FAM228B: variants seen among roughly 807,000 people sequenced by gnomAD.
FAM228B encodes family with sequence similarity 228 member B, also known as protein FAM228B.
In FAM228B, 38 loss-of-function variants were observed where a neutral mutation model predicts 42.6. The observed-to-expected ratio is 0.89, with a 90% CI of 0.69 to 1.17. FAM228B has a LOEUF of 1.17. Among genes scored for constraint, FAM228B ranks in the 50% most tolerant of loss-of-function variants. FAM228B has a pLI of 0.00. For synonymous variants in FAM228B, 109 were observed against 122.3 expected (o/e 0.89, Z 0.72); for missense variants, 344 against 367.3 (o/e 0.94, Z 0.52).
chr2:24,081,784 C>T (rs190931734), intron 2 of FAM228B, among the ~76,000 whole-genome samples: 1 of 151,248 alleles, frequency 6.6e-6, no homozygotes, highest in African/African-American at 2.4e-5. Context: ...TGCCCCACCC[C>T]CCCTGCGTTC....
intron 7 of FAM228B, among the ~76,000 whole-genome samples, chr2:24,154,624 A>G (rs1218514015): frequency 6.6e-6 from 1 of 152,224 alleles, no homozygotes; most frequent in Non-Finnish European, 1.5e-5. Context: ...GGATGAGAGC[A>G]TGAGAGGAAA....
intron 5 of FAM228B, among the ~76,000 whole-genome samples, chr2:24,141,965 G>A (rs559692639): frequency 7.2e-5 from 11 of 152,206 alleles, no homozygotes; most frequent in Admixed American, 3.3e-4. Context: ...CTCAGGTGCT[G>A]GCCCCATTTG....
intron 3 of FAM228B, among the ~76,000 whole-genome samples, chr2:24,115,907 C>CAAAA (rs35038662): frequency 8.5e-6 from 1 of 117,048 alleles, no homozygotes; most frequent in Non-Finnish European, 1.8e-5. Context: ...GGTTCCCATG[C>CAAAA]AAAAAAAAAA....
upstream of FAM228B, chr2:24,119,506 T>A: frequency 9.0e-7 from 1 of 1,110,400 alleles, no homozygotes; most frequent in Non-Finnish European, 1.3e-6. Flanking sequence ...TTGAGTTGGA[T>A]CTCTGTTACT....
chr2:24,115,102 A>G (rs540284648), intron 3 of FAM228B, among the ~76,000 whole-genome samples: 1 of 152,338 alleles, frequency 6.6e-6, no homozygotes, highest in Non-Finnish European at 1.5e-5. Context: ...AGGGAGTTGT[A>G]TTACAGGAGG....
intron 5 of FAM228B, among the ~76,000 whole-genome samples, chr2:24,146,092 C>T (rs531528075): frequency 2.0e-5 from 3 of 152,214 alleles, no homozygotes; most frequent in African/African-American, 4.8e-5. Flanking sequence ...GTCTGATCAC[C>T]GTTTAACTCT....
intron 7 of FAM228B, among the ~76,000 whole-genome samples, chr2:24,154,639 G>A (rs530780736): frequency 6.6e-6 from 1 of 152,288 alleles, no homozygotes; most frequent in South Asian, 2.1e-4. Context: ...AGGAAAAAGA[G>A]AAGAAGCCAC....
intron 3 of FAM228B, among the ~76,000 whole-genome samples, chr2:24,099,377 C>T (rs546631034): frequency 2.2e-3 from 332 of 152,242 alleles, no homozygotes; most frequent in African/African-American, 7.5e-3. Context: ...AAAACCCCAT[C>T]GTCTCAGCCC....
intron 3 of FAM228B, among the ~76,000 whole-genome samples, chr2:24,104,338 C>A (rs1665665090): frequency 6.6e-6 from 1 of 152,242 alleles, no homozygotes; most frequent in Non-Finnish European, 1.5e-5. Context: ...ACTCTCGAGT[C>A]CAAGGGGACC....
rs143491810 is a variant in FAM228B at position 24,133,325 on chromosome 2, G to A, written c.100-1794G>A. ...ATCTGAGTACAGACTTTCCAGGAAG[G>A]GCAACTCTATGAGGCAAAAATAACA... On this transcript the variant is annotated intron_variant, in intron 2 of 10. Coordinates refer to ENST00000615575, the MANE Select transcript of FAM228B (RefSeq NM_001145710.2). Among the ~76,000 whole-genome samples the A allele has an allele frequency of 2.7e-3, 414 of 152,130 alleles. 1 individual carries two copies. Among genetic ancestry groups the A allele is most frequent in the African/African-American group, 9.3e-3 (386 of 41,494 alleles).
At position 24,116,645 on chromosome 2, in the gene FAM228B, A is replaced by G. The variant is rs538652916; in HGVS notation, c.-120-18474A>G. Among the ~76,000 whole-genome samples the G allele has an allele frequency of 2.0e-5, 3 of 152,274 alleles. No individual in the cohort carries two copies. The East Asian group carries it at 5.8e-4, about 29-fold the overall frequency. On this transcript the variant is annotated intron_variant, in intron 3 of 10. Transcript: ENST00000613899. The stretch of plus-strand genomic sequence containing the variant: ...TGAGGCGGGCAGATCACTTGAAGTC[A>G]GGAGTTCGAGACCAGCCTGGCTAAC...
chr2:24,107,126 A>T (rs1338698769), intron 3 of FAM228B, among the ~76,000 whole-genome samples: 13 of 152,230 alleles, frequency 8.5e-5, no homozygotes, highest in Admixed American at 8.5e-4. Flanking sequence ...CAGGGGTTGC[A>T]ATCATAATTT....
chr2:24,162,747 A>G (rs1026923732), intron 8 of FAM228B, among the ~76,000 whole-genome samples: 2 of 152,258 alleles, frequency 1.3e-5, no homozygotes, highest in African/African-American at 4.8e-5. Context: ...GGCAATTAAA[A>G]GGAAAAAAAT....
Position 24,169,205 on chromosome 2 carries a change from G to C in FAM228B, c.*15-151G>C, listed in dbSNP as rs1298419851. Reference sequence around the variant, plus strand: ...GGAAAGGCTGAGGCAGGAGGCCTAGGTGGAGACCCTGCCTGAGAGATGAGT... The same window carrying C: ...GGAAAGGCTGAGGCAGGAGGCCTAGCTGGAGACCCTGCCTGAGAGATGAGT... On this transcript the variant is annotated intron_variant, in intron 10 of 10. Coordinates refer to ENST00000615575, the MANE Select transcript of FAM228B (RefSeq NM_001145710.2). The surrounding 1 kb of genome is among the most constrained non-coding windows in gnomAD (Gnocchi z 4.2). Among the ~76,000 whole-genome samples, 4 of 152,142 alleles carry C rather than the reference G, an allele frequency of 2.6e-5. No individual in the cohort carries two copies. The highest frequency in any genetic ancestry group is 5.9e-5 in the Non-Finnish European group (4 of 68,022).
intron 2 of FAM228B, among the ~76,000 whole-genome samples, chr2:24,133,543 A>G (rs1380501482): frequency 6.6e-6 from 1 of 152,206 alleles, no homozygotes; most frequent in African/African-American, 2.4e-5. Flanking sequence ...TAACTTGAGA[A>G]TATTTTATTT....
Position 24,077,662 on chromosome 2 carries a change from G to A in FAM228B, c.-290+693G>A, listed in dbSNP as rs760907457. 31 of 1,613,936 alleles carry A rather than the reference G, an allele frequency of 1.9e-5. No homozygotes were observed. Among genetic ancestry groups the A allele is most frequent in the Non-Finnish European group, 2.6e-5 (31 of 1,179,990 alleles). On this transcript the variant is annotated intron_variant, in intron 1 of 10. Coordinates refer to the FAM228B transcript ENST00000613899. The surrounding 1 kb of genome is among the most constrained non-coding windows in gnomAD (Gnocchi z 5.5). ...TGGGCCTCCTGGATTTCGGTCACTG[G>A]GTAGATTCTGTCCAGAACCGGCAGC...
chr2:24,104,588 T>C lies in FAM228B; in HGVS notation c.-121+9359T>C, dbSNP rs1174307197. Among the ~76,000 whole-genome samples the C allele has an allele frequency of 5.9e-5, 9 of 152,054 alleles. No homozygotes were observed. In the East Asian group the frequency reaches 1.8e-3, roughly 30 times the overall value. Reference sequence around the variant, plus strand: ...GAGCTTCCAGCCTAATAGCCCTGCTTCTGTGTGAACTCAGCTAGAGGGTGC... The same window carrying C: ...GAGCTTCCAGCCTAATAGCCCTGCTCCTGTGTGAACTCAGCTAGAGGGTGC... On this transcript the variant is annotated intron_variant, in intron 3 of 10. Transcript: ENST00000613899.
chr2:24,120,530 T>A (rs1191545876), upstream of FAM228B, among the ~76,000 whole-genome samples: 1 of 152,182 alleles, frequency 6.6e-6, no homozygotes, highest in Non-Finnish European at 1.5e-5. Context: ...CTTTCATTCC[T>A]TATAAGCAAC....
chr2:24,125,436 A>G (rs1666285175), intron 2 of FAM228B, among the ~76,000 whole-genome samples: 2 of 152,160 alleles, frequency 1.3e-5, no homozygotes, highest in Non-Finnish European at 2.9e-5. Flanking sequence ...CGAAAACATC[A>G]CCACAATCAA....
Sources: allele counts gnomAD v4.1 joint callset (sites outside exome capture counted in the v4.1 genomes callset), GRCh38; gene constraint gnomAD v4.1.1; non-coding constraint Gnocchi (gnomAD v3.1); transcripts MANE v1.5; gene names NCBI Gene and HGNC (gene_info 2026-07-23, HGNC 2026-07-21).